Variants in IRAK1 observed in about 807,000 individuals in gnomAD.
IRAK1 encodes interleukin 1 receptor associated kinase 1.
In IRAK1, 9 loss-of-function variants were observed where a neutral mutation model predicts 49.8. The ratio of observed to expected loss-of-function variants is 0.18; its 90% confidence interval spans 0.11 to 0.32. The LOEUF (loss-of-function observed/expected upper bound fraction) is 0.32, where lower values mean the gene tolerates loss of function less well. Ranked by LOEUF, IRAK1 falls within the 10% of genes least tolerant of loss-of-function variation. IRAK1 has a pLI of 1.00. For synonymous variants in IRAK1, 282 were observed against 270.8 expected (o/e 1.04, Z -0.41); for missense variants, 418 against 600.5 (o/e 0.70, Z 3.18).
In IRAK1 at chrX:154,012,486, G is replaced by A. The variant is rs782781050; in HGVS notation, c.2080+43C>T. On this transcript the variant is annotated intron_variant, in intron 13 of 13. Transcript: ENST00000369980. Reference sequence around the variant, plus strand: ...ACACTCTGCTCTTTGGGGCTGACACGGATGCGCCTGAGCACCCCAGAGGCC... The same window carrying A: ...ACACTCTGCTCTTTGGGGCTGACACAGATGCGCCTGAGCACCCCAGAGGCC... The A allele has an allele frequency of 5.3e-5, 62 of 1,173,642 alleles. No individual in the cohort carries two copies. The Admixed American group carries it at 5.4e-4, about 10-fold the overall frequency.
Position 154,013,060 on chromosome X carries a change from C to A in IRAK1, c.1913G>T (p.Arg638Leu). 8.3e-7 allele frequency: 1 copy of A among 1,209,621 alleles called. No individual in the cohort carries two copies. The highest frequency in any genetic ancestry group is 2.2e-5 in the Admixed American group (1 of 45,969). The change falls in exon 12 of 14, where the codon CGG becomes CTG. Residue 638 changes from arginine (R) to leucine (L), a missense_variant. Arg to Leu is a moderately radical substitution (Grantham distance 102, BLOSUM62 -2). Coordinates refer to ENST00000369980, the MANE Select transcript of IRAK1 (RefSeq NM_001569.4). ...CCAGCTACCTTCCACGGCTGTGGGCCGGGATCCTGGGCCACTCCCCCAGCT... is the reference window on the plus strand; with the variant it reads ...CCAGCTACCTTCCACGGCTGTGGGCAGGGATCCTGGGCCACTCCCCCAGCT... ...ESSWGSGPGS[R>L]PTAVEGLALG... is the part of the protein sequence containing the mutation.
rs950757034 is a variant in IRAK1, at chrX:154,013,283, G to A, written c.1690C>T (p.Leu564=). 3 of 1,209,542 alleles carry A rather than the reference G, an allele frequency of 2.5e-6. No homozygotes were observed. The South Asian group carries it at 5.3e-5, about 21-fold the overall frequency. ...AHSGAAPWQP[L]AAPSGASAQA... Reference sequence around the variant, plus strand: ...GCACTGGCTCCTGATGGCGCTGCCAGGGGCTGCCATGGAGCAGCCCCACTG... The same window carrying A: ...GCACTGGCTCCTGATGGCGCTGCCAAGGGCTGCCATGGAGCAGCCCCACTG... Residue 564 remains leucine (L), a synonymous_variant, in exon 12 of 14, where the codon CTG becomes TTG. Coordinates refer to ENST00000369980, the MANE Select transcript of IRAK1 (RefSeq NM_001569.4).
Position 154,019,424 on chromosome X carries a change from C to A in IRAK1, c.304+7G>T. 9.0e-7 allele frequency: 1 copy of A among 1,111,643 alleles called. No individual in the cohort carries two copies. The highest frequency in any genetic ancestry group is 1.2e-6 in the Non-Finnish European group (1 of 830,863). 91.6% of individuals were successfully genotyped at this position (1,111,643 alleles called of 1,213,427 possible). A position where few individuals can be genotyped will look rare whatever the true frequency, so the allele number is the denominator to read the frequency against. ...CAGCCGTGGGGTGCCCGGAGTCCCG[C>A]GCTCACAGGCTGTGATGATGTCCCG... On this transcript the variant is annotated splice_region_variant and intron_variant, in intron 2 of 13. Coordinates refer to ENST00000369980, the MANE Select transcript of IRAK1 (RefSeq NM_001569.4).
chrX:154,015,692 G>A (rs1557128955), intron 10 of IRAK1, among the ~76,000 whole-genome samples: 2 of 111,659 alleles, frequency 1.8e-5, no homozygotes, highest in Non-Finnish European at 3.8e-5. Flanking sequence ...GGGCCCAGGA[G>A]GTTCCTCGGG....
Position 154,019,215 on chromosome X carries a change from A to G in IRAK1, c.418T>C (p.Ser140Pro). 1 of 1,210,369 alleles carries G rather than the reference A, an allele frequency of 8.3e-7. No homozygotes were observed. The highest frequency in any genetic ancestry group is 2.2e-5 in the Admixed American group (1 of 45,985). ...CTCTTACCTGGGGAGAGGAAGGTGG[A>G]GGCTGAGGATGGCAACTTCCGGGGG... ...WSPRKLPSSA[S>P]TFLSPAFPGS... Residue 140 changes from serine to proline, a missense_variant, in exon 3 of 14, where the codon TCC becomes CCC. This residue lies in a region of IRAK1 where 377 missense variants were observed against 499.5 expected (regional missense o/e 0.75). Coordinates refer to ENST00000369980, the MANE Select transcript of IRAK1 (RefSeq NM_001569.4).
At position 154,010,588 on chromosome X, in the gene IRAK1, C is replaced by T. The variant is rs782007380; in HGVS notation, c.*1271G>A. The T allele has an allele frequency of 3.5e-4, 54 of 155,835 alleles. No individual in the cohort carries two copies. The highest frequency in any genetic ancestry group is 5.6e-3 in the Middle Eastern group (2 of 356). The allele number at this position is 155,835 out of a possible 1,213,427, so 12.8% of individuals were successfully genotyped here. On this transcript the variant is annotated 3_prime_UTR_variant, in exon 14 of 14. Transcript: ENST00000369980. Reference sequence around the variant, plus strand: ...TCACGGGGGCATGTAGTGTGACTCACGGCTGAACACAAAATCACTGTGAAG... The same window carrying T: ...TCACGGGGGCATGTAGTGTGACTCATGGCTGAACACAAAATCACTGTGAAG...
rs2065770198 is a variant in IRAK1, at chrX:154,019,801, C to A, written c.12G>T (p.Gly4=). The A allele has an allele frequency of 1.1e-6, 1 of 877,028 alleles. No homozygotes were observed. Among genetic ancestry groups the A allele is most frequent in the South Asian group, 6.0e-5 (1 of 16,653 alleles). The allele number at this position is 877,028 out of a possible 1,213,427, so 72.3% of individuals were successfully genotyped here. The change falls in exon 1 of 14, where the codon GGG becomes GGT. Residue 4 remains glycine (G), a synonymous_variant. Transcript: ENST00000369980. ...GGGCTGCGGGCTCCCCCGGGCCCGG[C>A]CCCCCGGCCATGGCTGCCGCCGCCG... is the stretch of plus-strand genomic sequence containing the variant. MAG[G]PGPGEPAAPG...
chrX:154,010,811 C>A lies in IRAK1; in HGVS notation c.*1048G>T, dbSNP rs949126218. 7.3e-6 allele frequency: 2 copies of A among 274,654 alleles called. No individual in the cohort carries two copies. The highest frequency in any genetic ancestry group is 1.4e-5 in the Non-Finnish European group (2 of 142,360). The allele number at this position is 274,654 out of a possible 1,213,427, so 22.6% of individuals were successfully genotyped here. ...TAACTAGGTCTTGGGCCTAGCTAGA[C>A]CTTGGGTAGTGGCCCCTCTGCCACA... is the stretch of plus-strand genomic sequence containing the variant. On this transcript the variant is annotated 3_prime_UTR_variant, in exon 14 of 14. Transcript: ENST00000369980.
At chrX:154,013,553 T>G in intron 11 of IRAK1, 120 bp from the exon 12 acceptor site, 7 of 652,184 alleles carry the variant, frequency 1.1e-5, no homozygotes, top group Non-Finnish European at 1.6e-5. Context: ...TAAAATGACA[T>G]ACCCTGCAGC....
chrX:154,016,331 G>A (rs1466854150), intron 9 of IRAK1, 106 bp downstream of exon 9: 1 of 795,182 alleles, frequency 1.3e-6, no homozygotes, highest in African/African-American at 2.0e-5. Context: ...GCAGCCTCCT[G>A]GGGTCTTGGC....
At chrX:154,012,755 C>T in intron 12 of IRAK1, 77 bp from the exon 13 acceptor site, 6 of 1,081,311 alleles carry the variant, frequency 5.5e-6, no homozygotes, top group Non-Finnish European at 7.5e-6. Flanking sequence ...CCTCCCTGGC[C>T]TCAGGCCTGA....
chrX:154,013,138 G>A lies in IRAK1; in HGVS notation c.1835C>T (p.Pro612Leu). The A allele has an allele frequency of 8.3e-7, 1 of 1,209,700 alleles. No individual in the cohort carries two copies. The highest frequency in any genetic ancestry group is 1.1e-6 in the Non-Finnish European group (1 of 895,150). The change falls in exon 12 of 14, where the codon CCA becomes CTA. Residue 612 changes from proline (P) to leucine (L), a missense_variant. By Grantham distance (98) the Pro-to-Leu change is moderately conservative. Coordinates refer to ENST00000369980, the MANE Select transcript of IRAK1 (RefSeq NM_001569.4). Reference protein sequence around the residue: ...WHLTPSCPLDPAPLREAGCPQ... With the variant: ...WHLTPSCPLDLAPLREAGCPQ... ...ACAGCCGGCCTCCCTGAGGGGTGCT[G>A]GGTCCAGAGGGCAGCTTGGAGTCAA...
chrX:154,013,153 C>G lies in IRAK1; in HGVS notation c.1820G>C (p.Ser607Thr). 8.3e-7 allele frequency: 1 copy of G among 1,209,847 alleles called. No individual in the cohort carries two copies. Among genetic ancestry groups the G allele is most frequent in the Non-Finnish European group, 1.1e-6 (1 of 895,183 alleles). Reference sequence around the variant, plus strand: ...GAGGGGTGCTGGGTCCAGAGGGCAGCTTGGAGTCAAGTGCCAGGAGCGCAG... The same window carrying G: ...GAGGGGTGCTGGGTCCAGAGGGCAGGTTGGAGTCAAGTGCCAGGAGCGCAG... ...AALRSWHLTP[S>T]CPLDPAPLRE... The change falls in exon 12 of 14, where the codon AGC (serine) becomes ACC (threonine). Residue 607 changes from serine (S) to threonine (T), a missense_variant. Physicochemically the swap from Ser to Thr is moderately conservative, Grantham distance 58. Coordinates refer to ENST00000369980, the MANE Select transcript of IRAK1 (RefSeq NM_001569.4).
In IRAK1 at chrX:154,011,750, G is replaced by A. The variant is rs782486025; in HGVS notation, c.*109C>T. The A allele has an allele frequency of 3.9e-5, 31 of 804,829 alleles. No individual in the cohort carries two copies. In the East Asian group the frequency reaches 7.2e-4, roughly 19 times the overall value. The allele number at this position is 804,829 out of a possible 1,213,427, so 66.3% of individuals were successfully genotyped here. ...CCTCCTTCTCTCCCCCGCGGGCATGGGCCCCCACCCCCACTGCCGGCAGAG... is the reference window on the plus strand; with the variant it reads ...CCTCCTTCTCTCCCCCGCGGGCATGAGCCCCCACCCCCACTGCCGGCAGAG... On this transcript the variant is annotated 3_prime_UTR_variant, in exon 14 of 14. Coordinates refer to ENST00000369980, the MANE Select transcript of IRAK1 (RefSeq NM_001569.4).
At chrX:154,016,871 TGATC>T in intron 8 of IRAK1, 74 bp downstream of exon 8, 2 of 766,825 alleles carry the variant, frequency 2.6e-6, no homozygotes, top group Non-Finnish European at 4.1e-6. Context: ...AGGCCATGCC[TGATC>T]CCCACATTGA....
At chrX:154,013,720 T>C (rs1340101109) in intron 11 of IRAK1, among the ~76,000 whole-genome samples, 3 of 112,823 alleles carry the variant, frequency 2.7e-5, no homozygotes, top group Non-Finnish European at 5.6e-5. Context: ...TTTTCAACTG[T>C]CACCAGAGGA....
chrX:154,018,703 T>A lies in IRAK1; in HGVS notation c.625A>T (p.Thr209Ser). 1 of 1,163,526 alleles carries A rather than the reference T, an allele frequency of 8.6e-7. No individual in the cohort carries two copies. Among genetic ancestry groups the A allele is most frequent in the Non-Finnish European group, 1.2e-6 (1 of 853,115 alleles). The change falls in exon 5 of 14, where the codon ACC becomes TCC. Residue 209 changes from threonine (T) to serine (S), a missense_variant. This residue lies in a region of IRAK1 where 377 missense variants were observed against 499.5 expected (regional missense o/e 0.75). Transcript: ENST00000369980. ...TTGAGCTCCTCCGAGAAGTTGTGGG[T>A]GCCCCGGGAAATCTCACAGAGGGGC... is the stretch of plus-strand genomic sequence containing the variant. Reference protein sequence around the residue: ...CWPLCEISRGTHNFSEELKIG... With the variant: ...CWPLCEISRGSHNFSEELKIG...
intron 5 of IRAK1, 76 bp from the exon 6 acceptor site, chrX:154,018,431 G>GCTTC: frequency 1.0e-6 from 1 of 977,325 alleles, no homozygotes; most frequent in Non-Finnish European, 1.5e-6. Context: ...GAAGGCCTTC[G>GCTTC]GGCCACCAGT....
Position 154,018,421 on chromosome X carries a change from G to A in IRAK1, c.730-66C>T, listed in dbSNP as rs11465831. ...ACGGGCAGCGTGAGGCTCTCGAAGC[G>A]AAGGCCTTCGGGCCACCAGTGCCAC... On this transcript the variant is annotated intron_variant, in intron 5 of 13. Transcript: ENST00000369980. 6.1e-4 allele frequency: 619 copies of A among 1,013,238 alleles called. 1 individual carries two copies. Among genetic ancestry groups the A allele is most frequent in the Non-Finnish European group, 8.2e-4 (590 of 721,346 alleles). 83.5% of individuals were successfully genotyped at this position (1,013,238 alleles called of 1,213,427 possible).
Sources: gnomAD v4.1 joint callset for allele counts (sites outside exome capture counted in the v4.1 genomes callset) on GRCh38, gnomAD v4.1.1 for gene constraint, gnomAD v4.1.1 regional missense constraint, MANE v1.5 for transcripts, NCBI Gene and HGNC (gene_info 2026-07-23, HGNC 2026-07-21) for gene names.